Variants in RELN observed in about 807,000 individuals in gnomAD.
RELN encodes the protein reelin.
RELN carries 108 observed loss-of-function variants against 427.6 expected under a neutral mutation model. The observed-to-expected ratio is 0.25, with a 90% CI of 0.22 to 0.30. RELN has a LOEUF of 0.30. Ranked by LOEUF, RELN falls within the 10% of genes least tolerant of loss-of-function variation. The pLI, the probability that RELN is intolerant of heterozygous loss-of-function variation, is 1.00. For missense variants in RELN, 3,715 were observed against 4,302.8 expected, an observed-to-expected ratio of 0.86 and a Z score of 3.82; for synonymous variants, 1,524 against 1,513.4, an observed-to-expected ratio of 1.01 and a Z score of -0.16.
At chr7:103,907,853 G>C (rs1415328951) in intron 2 of RELN, among the ~76,000 whole-genome samples, 1 of 151,740 alleles carries the variant, frequency 6.6e-6, no homozygotes, top group Non-Finnish European at 1.5e-5. Context: ...TGTTACATAG[G>C]TATATGTGTG....
intron 17 of RELN, among the ~76,000 whole-genome samples, chr7:103,636,917 T>C (rs560572912): frequency 1.8e-4 from 28 of 152,192 alleles, no homozygotes; most frequent in Non-Finnish European, 2.8e-4. Flanking sequence ...TTAATTTAAA[T>C]ATTTAGAAAC....
Position 103,640,451 on chromosome 7 carries a change from A to C in RELN, c.2069+92T>G. 7.8e-7 allele frequency: 1 copy of C among 1,283,632 alleles called. No individual in the cohort carries two copies. The highest frequency in any genetic ancestry group is 1.1e-6 in the Non-Finnish European group (1 of 884,792). The allele number at this position is 1,283,632 out of a possible 1,614,324, so 79.5% of individuals were successfully genotyped here. On this transcript the variant is annotated intron_variant, in intron 17 of 64. Transcript: ENST00000428762. The surrounding 1 kb of genome is among the most constrained non-coding windows in gnomAD (Gnocchi z 4.1). ...ACTTTTTGTCTTAAAAAGATCCCCG[A>C]TCCTAAAAAAGGTTATTAAATGACT...
chr7:103,845,841 C>T (rs1793660483), intron 2 of RELN, among the ~76,000 whole-genome samples: 1 of 151,978 alleles, frequency 6.6e-6, no homozygotes, highest in African/African-American at 2.4e-5. Context: ...GAGAACTACT[C>T]AAGAAACGAC....
chr7:103,757,262 G>T (rs1791182796), intron 4 of RELN, among the ~76,000 whole-genome samples: 1 of 152,064 alleles, frequency 6.6e-6, no homozygotes, highest in South Asian at 2.1e-4. Context: ...GTCCTCATTT[G>T]TCAACTGTCC....
chr7:103,923,784 C>CAA (rs1272050136), intron 1 of RELN, among the ~76,000 whole-genome samples: 2 of 152,074 alleles, frequency 1.3e-5, no homozygotes, highest in African/African-American at 4.8e-5. Context: ...TTCCTACTTC[C>CAA]AAAAGGCTTT....
Position 103,707,700 on chromosome 7 carries a change from T to C in RELN, c.806-6694A>G, listed in dbSNP as rs371482218. 8.5e-5 allele frequency among the ~76,000 whole-genome samples: 13 copies of C among 152,272 alleles called. No individual in the cohort carries two copies. The East Asian group carries it at 2.5e-3, about 29-fold the overall frequency. Reference sequence around the variant, plus strand: ...TCTTAGTAGAGACGGGGTTTCACCATGTTGGCCAGGATGGTCTCGATCTCT... The same window carrying C: ...TCTTAGTAGAGACGGGGTTTCACCACGTTGGCCAGGATGGTCTCGATCTCT... On this transcript the variant is annotated intron_variant, in intron 8 of 64. Coordinates refer to ENST00000428762, the MANE Select transcript of RELN (RefSeq NM_005045.4).
intron 10 of RELN, among the ~76,000 whole-genome samples, chr7:103,693,218 A>G (rs543364578): frequency 3.9e-4 from 60 of 152,236 alleles, no homozygotes; most frequent in African/African-American, 1.3e-3. Context: ...GCTGGAAGCC[A>G]TCATTCTCAG....
At chr7:103,906,584 A>G (rs1387275757) in intron 2 of RELN, among the ~76,000 whole-genome samples, 1 of 152,140 alleles carries the variant, frequency 6.6e-6, no homozygotes, top group Non-Finnish European at 1.5e-5. Flanking sequence ...GAGCCGTTAT[A>G]GAGCATGGCT....
intron 2 of RELN, among the ~76,000 whole-genome samples, chr7:103,865,497 C>A (rs1445742143): frequency 1.3e-5 from 2 of 152,004 alleles, no homozygotes; most frequent in Non-Finnish European, 2.9e-5. Flanking sequence ...TGCAACAATC[C>A]TAAAACAAAA....
At chr7:103,553,022 T>A (rs966535641) in intron 40 of RELN, among the ~76,000 whole-genome samples, 2 of 152,124 alleles carry the variant, frequency 1.3e-5, no homozygotes, top group Non-Finnish European at 2.9e-5. Context: ...CAAATACATT[T>A]GAAATTATAA....
chr7:103,944,700 T>C (rs1344868026), intron 1 of RELN, among the ~76,000 whole-genome samples: 1 of 152,160 alleles, frequency 6.6e-6, no homozygotes, highest in East Asian at 1.9e-4. Flanking sequence ...TGCCAGGTCA[T>C]GGGCTGGGTT....
At chr7:103,500,532 C>A (rs1004182368) in intron 53 of RELN, among the ~76,000 whole-genome samples, 1 of 151,918 alleles carries the variant, frequency 6.6e-6, no homozygotes, top group African/African-American at 2.4e-5. Context: ...TATAGTCTGG[C>A]TCATTTTATG....
At chr7:103,833,468 AT>A (rs1793323960) in intron 3 of RELN, 68 bp downstream of exon 3, 1 of 1,318,370 alleles carries the variant, frequency 7.6e-7, no homozygotes, top group South Asian at 1.2e-5. Context: ...TAGTTACTCT[AT>A]ATGTAATCCC....
rs569895588 is a variant in RELN, at chr7:103,484,048, T to A, written c.9984-198A>T. On this transcript the variant is annotated intron_variant, in intron 61 of 64. Transcript: ENST00000428762. ...GTGTGCGCCACCACGCCTGGCTAAT[T>A]TTTGTATTTTTAGTATAGACGGGGT... 6.6e-5 allele frequency among the ~76,000 whole-genome samples: 10 copies of A among 152,030 alleles called. No homozygotes were observed. The South Asian group carries it at 1.7e-3, about 25-fold the overall frequency.
chr7:103,822,075 T>C (rs1370405768), intron 3 of RELN, among the ~76,000 whole-genome samples: 1 of 152,102 alleles, frequency 6.6e-6, no homozygotes, highest in Non-Finnish European at 1.5e-5. Flanking sequence ...AAATAAAACA[T>C]CAATATGCAC....
chr7:103,555,764 C>T (rs140653702), intron 38 of RELN, among the ~76,000 whole-genome samples: 3,902 of 152,246 alleles, frequency 0.026, 78 homozygotes, highest in Non-Finnish European at 0.034. Context: ...TGAGCCACTG[C>T]GCCTGGCACA....
At chr7:103,637,023 C>T (rs570311588) in intron 17 of RELN, among the ~76,000 whole-genome samples, 24 of 152,254 alleles carry the variant, frequency 1.6e-4, no homozygotes, top group African/African-American at 5.5e-4. Flanking sequence ...AACTGTGTTG[C>T]CTCTCAGTGG....
intron 4 of RELN, among the ~76,000 whole-genome samples, chr7:103,755,650 T>C (rs906540214): frequency 7.1e-6 from 1 of 140,566 alleles, no homozygotes; most frequent in Non-Finnish European, 1.5e-5. Context: ...ATAAAATAAT[T>C]AAATAACATA....
At position 103,946,842 on chromosome 7, in the gene RELN, C is replaced by T. The variant is rs74711340; in HGVS notation, c.227-29657G>A. Among the ~76,000 whole-genome samples the T allele has an allele frequency of 1.3e-3, 205 of 152,222 alleles. 3 individuals are homozygous for T. In the East Asian group the frequency reaches 0.032, roughly 24 times the overall value. On this transcript the variant is annotated intron_variant, in intron 1 of 64. Transcript: ENST00000428762. ...AACACTCATGATAAGCAGAAGTAAGCGCTTTTGCAATGTGATTGCCTTTCA... is the reference window on the plus strand; with the variant it reads ...AACACTCATGATAAGCAGAAGTAAGTGCTTTTGCAATGTGATTGCCTTTCA...
Sources: allele counts gnomAD v4.1 joint callset (sites outside exome capture counted in the v4.1 genomes callset), GRCh38; gene constraint gnomAD v4.1.1; non-coding constraint Gnocchi (gnomAD v3.1); transcripts MANE v1.5; gene names NCBI Gene and HGNC (gene_info 2026-07-23, HGNC 2026-07-21).